Variants in GAB2 observed in about 807,000 individuals in gnomAD.
GAB2 encodes the protein GRB2 associated binding protein 2.
GAB2 carries 26 observed loss-of-function variants against 65.5 expected under a neutral mutation model. The ratio of observed to expected loss-of-function variants is 0.40; its 90% CI spans 0.29 to 0.55. GAB2 has a LOEUF of 0.55. Ranked by LOEUF, GAB2 falls within the 20% of genes least tolerant of loss-of-function variation. The pLI, the probability that GAB2 is intolerant of heterozygous loss-of-function variation, is 0.53. For missense variants in GAB2, 884 were observed against 875.8 expected (o/e 1.01, Z -0.12); for synonymous variants, 321 against 329.6 (o/e 0.97, Z 0.28).
chr11:78,325,654 G>A (rs1855808618), intron 1 of GAB2, among the ~76,000 whole-genome samples: 1 of 152,174 alleles, frequency 6.6e-6, no homozygotes, highest in Non-Finnish European at 1.5e-5. Context: ...GTGTTCTGAT[G>A]TGCCTTCTTC....
At chr11:78,298,984 C>T (rs1866915392) in intron 1 of GAB2, among the ~76,000 whole-genome samples, 2 of 152,174 alleles carry the variant, frequency 1.3e-5, no homozygotes, top group Admixed American at 1.3e-4. Flanking sequence ...ATCAGAATCA[C>T]TAAGACATCT....
At position 78,226,546 on chromosome 11, in the gene GAB2, T is replaced by G. The variant is rs1426183653; in HGVS notation, c.1126A>C (p.Ser376Arg). 6.2e-7 allele frequency: 1 copy of G among 1,605,266 alleles called. No homozygotes were observed. The highest frequency in any genetic ancestry group is 2.3e-5 in the East Asian group (1 of 44,392). ...WGSPQQRPPISENSRSVAATI... is the reference protein window; with the variant it reads ...WGSPQQRPPIRENSRSVAATI... ...GCAGCGACAGATCTGCTATTTTCAC[T>G]GATTGGCGGTCTCTGCTGAGGACTG... is the stretch of plus-strand genomic sequence containing the variant. Residue 376 changes from serine (S) to arginine (R), a missense_variant, in exon 4 of 10, where the codon AGT (serine) becomes CGT (arginine). Physicochemically the swap from Ser to Arg is moderately radical, Grantham distance 110. Coordinates refer to ENST00000361507, the MANE Select transcript of GAB2 (RefSeq NM_080491.3).
chr11:78,283,809 AGT>A (rs1866397915), intron 1 of GAB2, among the ~76,000 whole-genome samples: 1 of 151,800 alleles, frequency 6.6e-6, no homozygotes, highest in African/African-American at 2.4e-5. Flanking sequence ...TCTCTTTTTC[AGT>A]CTCCAGTGCT....
intron 1 of GAB2, among the ~76,000 whole-genome samples, chr11:78,329,091 C>T (rs1229448232): frequency 1.3e-5 from 2 of 152,268 alleles, no homozygotes; most frequent in Admixed American, 6.5e-5. Flanking sequence ...ATAAGTGATA[C>T]AGCAAGCATA....
At chr11:78,234,941 C>G (rs1418955620) in intron 3 of GAB2, among the ~76,000 whole-genome samples, 1 of 151,750 alleles carries the variant, frequency 6.6e-6, no homozygotes, top group Non-Finnish European at 1.5e-5. Flanking sequence ...ACCCAGGAGG[C>G]GAAGGTTGCA....
chr11:78,349,939 GA>G (rs1306936727), intron 1 of GAB2, among the ~76,000 whole-genome samples: 22 of 146,486 alleles, frequency 1.5e-4, no homozygotes, highest in East Asian at 1.2e-3. Flanking sequence ...AAGAAAAAAA[GA>G]AAAAAAAAAG....
At chr11:78,238,478 G>C (rs1865046831) in intron 3 of GAB2, among the ~76,000 whole-genome samples, 2 of 144,972 alleles carry the variant, frequency 1.4e-5, no homozygotes, top group African/African-American at 5.2e-5. Context: ...CTGAGACCCT[G>C]TCTCTTAAAA....
chr11:78,298,954 G>A lies in GAB2; in HGVS notation c.76-18053C>T, dbSNP rs75784284. Among the ~76,000 whole-genome samples, 40 of 152,266 alleles carry A rather than the reference G, an allele frequency of 2.6e-4. 1 individual carries two copies. The East Asian group carries it at 7.7e-3, about 29-fold the overall frequency. On this transcript the variant is annotated intron_variant, in intron 1 of 9. Coordinates refer to ENST00000361507, the MANE Select transcript of GAB2 (RefSeq NM_080491.3). Reference sequence around the variant, plus strand: ...TAGCTCACTACTGTCTTCAACAGTGGTATTCAAACTTCAATGTGCATCAGA... The same window carrying A: ...TAGCTCACTACTGTCTTCAACAGTGATATTCAAACTTCAATGTGCATCAGA...
intron 1 of GAB2, among the ~76,000 whole-genome samples, chr11:78,400,324 C>G (rs946360967): frequency 6.6e-6 from 1 of 152,184 alleles, no homozygotes; most frequent in Non-Finnish European, 1.5e-5. Flanking sequence ...TTTGCCTTCA[C>G]GCAACTTGGT....
At chr11:78,241,948 G>A (rs1865146658) in intron 3 of GAB2, among the ~76,000 whole-genome samples, 1 of 152,192 alleles carries the variant, frequency 6.6e-6, no homozygotes, top group Non-Finnish European at 1.5e-5. Flanking sequence ...CTGCGCTTTA[G>A]ATCAAATGGA....
chr11:78,294,410 T>C (rs1866768746), intron 1 of GAB2, among the ~76,000 whole-genome samples: 2 of 152,240 alleles, frequency 1.3e-5, no homozygotes, highest in East Asian at 1.9e-4. Flanking sequence ...GCATGATTTA[T>C]AATCCTTTGG....
At chr11:78,366,832 T>C (rs1409315739) in intron 1 of GAB2, among the ~76,000 whole-genome samples, 1 of 150,864 alleles carries the variant, frequency 6.6e-6, no homozygotes, top group African/African-American at 2.4e-5. Flanking sequence ...GCAACTCAAA[T>C]GGTTGCTTCT....
At chr11:78,332,179 G>C (rs1353355192) in intron 1 of GAB2, among the ~76,000 whole-genome samples, 1 of 152,212 alleles carries the variant, frequency 6.6e-6, no homozygotes, top group Admixed American at 6.5e-5. Flanking sequence ...GAAATGGGCA[G>C]ATTATGTCCA....
At chr11:78,305,116 T>C (rs1855329363) in intron 1 of GAB2, among the ~76,000 whole-genome samples, 1 of 152,192 alleles carries the variant, frequency 6.6e-6, no homozygotes, top group African/African-American at 2.4e-5. Context: ...AAATCCCTTT[T>C]CATACTTTCA....
intron 1 of GAB2, among the ~76,000 whole-genome samples, chr11:78,407,754 AAGAAAGAAAGAAAGAGAGAG>A (rs1857073055): frequency 6.6e-6 from 1 of 151,550 alleles, no homozygotes. Context: ...AAGAAAAAGA[AAGAAAGAAAGAAAGAGAGAG>A]AAAGAAAGAA....
chr11:78,300,698 T>TTTTTTTTGTTTTTG (rs1565149762), intron 1 of GAB2, among the ~76,000 whole-genome samples: 1 of 141,334 alleles, frequency 7.1e-6, no homozygotes, highest in African/African-American at 2.7e-5. Flanking sequence ...TTTTTTTGTT[T>TTTTTTTTGTTTTTG]TTTTTTTTTT....
intron 1 of GAB2, among the ~76,000 whole-genome samples, chr11:78,371,996 G>T (rs1371830778): frequency 6.6e-6 from 1 of 152,118 alleles, no homozygotes; most frequent in Non-Finnish European, 1.5e-5. Flanking sequence ...TTTAAGAAAT[G>T]AGATTAAATA....
At position 78,397,814 on chromosome 11, in the gene GAB2, C is replaced by T. The variant is rs114267948; in HGVS notation, c.75+19832G>A. 6.1e-3 allele frequency among the ~76,000 whole-genome samples: 924 copies of T among 152,078 alleles called. 17 individuals carry two copies. Among genetic ancestry groups the T allele is most frequent in the African/African-American group, 0.021 (883 of 41,444 alleles). On this transcript the variant is annotated intron_variant, in intron 1 of 9. Transcript: ENST00000361507. ...TAGATACTTATGTACACTGTAGATACTTACTATCTGTTAATGACAGTATCT... is the reference window on the plus strand; with the variant it reads ...TAGATACTTATGTACACTGTAGATATTTACTATCTGTTAATGACAGTATCT...
chr11:78,341,051 C>A (rs1047505273), intron 1 of GAB2, among the ~76,000 whole-genome samples: 2 of 152,130 alleles, frequency 1.3e-5, no homozygotes, highest in Admixed American at 1.3e-4. Context: ...AAAATGAAGT[C>A]AAGTTCATGT....
Sources: allele counts gnomAD v4.1 joint callset (sites outside exome capture counted in the v4.1 genomes callset), GRCh38; gene constraint gnomAD v4.1.1; transcripts MANE v1.5; gene names NCBI Gene and HGNC (gene_info 2026-07-23, HGNC 2026-07-21).